The following SLC38A1 variants were observed in gnomAD, a reference collection of about 807,000 sequenced individuals.
The protein encoded by SLC38A1 is sodium-coupled neutral amino acid symporter 1.
SLC38A1 carries 18 observed loss-of-function variants against 60.3 expected under a neutral mutation model. That is an observed-to-expected ratio of 0.30 (90% CI 0.21 to 0.44). The LOEUF is 0.44. Among genes scored for constraint, SLC38A1 ranks in the 20% least tolerant of loss-of-function variants. SLC38A1 has a pLI of 1.00. For missense variants in SLC38A1, 448 were observed against 587.2 expected (o/e 0.76, Z 2.45); for synonymous variants, 196 against 212.1 (o/e 0.92, Z 0.66).
At chr12:46,209,326 C>A (rs1438191984) in intron 5 of SLC38A1, among the ~76,000 whole-genome samples, 199 bp from the exon 6 acceptor site, 1 of 152,218 alleles carries the variant, frequency 6.6e-6, no homozygotes, top group Non-Finnish European at 1.5e-5. Context: ...TCATTAGAAT[C>A]TGAGTAACAG....
chr12:46,251,844 G>T (rs571879804), intron 1 of SLC38A1, among the ~76,000 whole-genome samples: 2 of 152,206 alleles, frequency 1.3e-5, no homozygotes, highest in Admixed American at 6.5e-5. Flanking sequence ...AACAACAGAG[G>T]CTGGAGAGGA....
chr12:46,209,541 G>A (rs1293690191), intron 5 of SLC38A1, among the ~76,000 whole-genome samples: 1 of 152,130 alleles, frequency 6.6e-6, no homozygotes, highest in Non-Finnish European at 1.5e-5. Context: ...ACCTGACTTT[G>A]GGCAACTTGC....
chr12:46,188,895 A>C lies in SLC38A1; in HGVS notation c.*75T>G, dbSNP rs1939026881. The C allele has an allele frequency of 1.7e-6, 2 of 1,209,596 alleles. No homozygotes were observed. The highest frequency in any genetic ancestry group is 3.0e-5 in the African/African-American group (2 of 66,180). The allele number at this position is 1,209,596 out of a possible 1,614,324, so 74.9% of individuals were successfully genotyped here. A position where few individuals can be genotyped will look rare whatever the true frequency, so the allele number is the denominator to read the frequency against. ...GTTTGCTTCTGTAAACTTGCAAAAG[A>C]AGTGGTGAGAGATTGCTGATGTGTG... On this transcript the variant is annotated 3_prime_UTR_variant, in exon 17 of 17. Coordinates refer to ENST00000398637, the MANE Select transcript of SLC38A1 (RefSeq NM_030674.4).
At chr12:46,189,593 C>T (rs1411395212) in intron 16 of SLC38A1, among the ~76,000 whole-genome samples, 2 of 152,068 alleles carry the variant, frequency 1.3e-5, no homozygotes, top group African/African-American at 4.8e-5. Flanking sequence ...CTGATGAAGG[C>T]CATAGGTGGA....
chr12:46,262,351 TAGG>T (rs1006317746), intron 1 of SLC38A1, among the ~76,000 whole-genome samples: 5 of 151,826 alleles, frequency 3.3e-5, no homozygotes, highest in Admixed American at 3.3e-4. Flanking sequence ...TAACTGGATA[TAGG>T]AGGACAGACT....
At chr12:46,245,407 ATGAGCTATCACC>A (rs1474708097) in intron 1 of SLC38A1, among the ~76,000 whole-genome samples, 9 of 152,356 alleles carry the variant, frequency 5.9e-5, no homozygotes, top group Non-Finnish European at 1.2e-4. Flanking sequence ...CCATACTGCA[ATGAGCTATCACC>A]TCACAGCTCT....
At chr12:46,242,081 G>A (rs1235230130) in intron 2 of SLC38A1, among the ~76,000 whole-genome samples, 5 of 152,108 alleles carry the variant, frequency 3.3e-5, no homozygotes, top group Admixed American at 2.6e-4. Flanking sequence ...ACGCGTGCAC[G>A]TGTGTAAAAC....
At chr12:46,207,673 T>A (rs748182161) in intron 6 of SLC38A1, 52 bp from the exon 7 acceptor site, 1 of 1,515,558 alleles carries the variant, frequency 6.6e-7, no homozygotes, top group Non-Finnish European at 9.2e-7. Flanking sequence ...TTCAGAAAGT[T>A]AAAATAGTCA....
chr12:46,264,500 T>C (rs145958083), intron 1 of SLC38A1, among the ~76,000 whole-genome samples: 7 of 152,298 alleles, frequency 4.6e-5, no homozygotes, highest in East Asian at 3.9e-4. Context: ...AAAACAAATA[T>C]GTGATCAATT....
chr12:46,229,671 A>G (rs1565777988), intron 3 of SLC38A1, 32 bp from the exon 4 acceptor site: 1 of 1,560,054 alleles, frequency 6.4e-7, no homozygotes, highest in Non-Finnish European at 8.8e-7. Flanking sequence ...ATTTAACCTT[A>G]TGATAATGAT....
At chr12:46,202,931 C>T (rs117554795) in intron 12 of SLC38A1, 79 bp downstream of exon 12, 32,316 of 1,042,662 alleles carry the variant, frequency 0.031, 597 homozygotes, top group Non-Finnish European at 0.037. Flanking sequence ...TAGACAAGTC[C>T]GTTTATTTTA....
rs185275211 is a variant in SLC38A1 at position 46,188,815 on chromosome 12, T to C, written c.*155A>G. On this transcript the variant is annotated 3_prime_UTR_variant, in exon 17 of 17. Coordinates refer to ENST00000398637, the MANE Select transcript of SLC38A1 (RefSeq NM_030674.4). ...AGGGACATGAAGCATTATAGAACCATGTCTCTGTTTTGCAACCAAAAAGTT... is the reference window on the plus strand; with the variant it reads ...AGGGACATGAAGCATTATAGAACCACGTCTCTGTTTTGCAACCAAAAAGTT... The C allele has an allele frequency of 1.9e-5, 11 of 582,028 alleles. No individual in the cohort carries two copies. The highest frequency in any genetic ancestry group is 1.8e-4 in the African/African-American group (10 of 54,286). 36.1% of individuals were successfully genotyped at this position (582,028 alleles called of 1,614,324 possible).
rs190248851 is a variant in SLC38A1, at chr12:46,246,828, A to G, written c.-208-3514T>C. On this transcript the variant is annotated intron_variant, in intron 1 of 16. Coordinates refer to ENST00000398637, the MANE Select transcript of SLC38A1 (RefSeq NM_030674.4). ...CTTCCAGAGGAAGGATCAGGCAGCA[A>G]TATTTGCTGTTCTGCAATATTTGCT... 2.5e-3 allele frequency among the ~76,000 whole-genome samples: 382 copies of G among 152,308 alleles called. 8 individuals carry two copies. The highest frequency in any genetic ancestry group is 7.9e-4 in the Non-Finnish European group (54 of 68,028).
intron 1 of SLC38A1, among the ~76,000 whole-genome samples, chr12:46,249,619 A>C (rs917949564): frequency 6.6e-6 from 1 of 152,194 alleles, no homozygotes; most frequent in East Asian, 1.9e-4. Context: ...AAGAGAGAAG[A>C]ATCAAATAGA....
At chr12:46,234,646 A>C (rs1010913028) in intron 3 of SLC38A1, among the ~76,000 whole-genome samples, 3 of 151,758 alleles carry the variant, frequency 2.0e-5, no homozygotes, top group African/African-American at 7.3e-5. Flanking sequence ...ACGGGGTTTC[A>C]CCGTGTTAGC....
intron 3 of SLC38A1, among the ~76,000 whole-genome samples, chr12:46,232,523 C>T (rs1224309025): frequency 3.9e-5 from 6 of 152,232 alleles, no homozygotes; most frequent in Non-Finnish European, 8.8e-5. Context: ...AATCTTTCCA[C>T]AGAACTAAGG....
intron 5 of SLC38A1, among the ~76,000 whole-genome samples, chr12:46,224,005 G>A (rs779020206): frequency 6.6e-6 from 1 of 152,114 alleles, no homozygotes; most frequent in African/African-American, 2.4e-5. Context: ...GTAACAAAAT[G>A]TAACAAAACA....
chr12:46,213,889 G>A (rs922192289), intron 5 of SLC38A1, among the ~76,000 whole-genome samples: 3 of 152,134 alleles, frequency 2.0e-5, no homozygotes, highest in Non-Finnish European at 4.4e-5. Context: ...CAGAGTCTTC[G>A]CTGAGAATCA....
At chr12:46,198,155 T>A in intron 14 of SLC38A1, 95 bp from the exon 15 acceptor site, 2 of 1,349,534 alleles carry the variant, frequency 1.5e-6, no homozygotes, top group Non-Finnish European at 2.0e-6. Context: ...TGCACAGGAA[T>A]TCATGAAATG....
Sources: gnomAD v4.1 joint callset for allele counts (sites outside exome capture counted in the v4.1 genomes callset) on GRCh38, gnomAD v4.1.1 for gene constraint, MANE v1.5 for transcripts, NCBI Gene and HGNC (gene_info 2026-07-23, HGNC 2026-07-21) for gene names.